STK33: variants seen among roughly 807,000 people sequenced by gnomAD.
STK33 encodes serine/threonine kinase 33, also known as serine/threonine-protein kinase 33.
STK33 carries 52 observed loss-of-function variants against 58.0 expected under a neutral mutation model. That is an observed-to-expected ratio of 0.90 (90% CI 0.72 to 1.13). STK33 has a LOEUF of 1.13. STK33 is among the 50% of genes most tolerant of loss of function. The pLI is 0.00. For missense variants in STK33, 630 were observed against 604.2 expected, an observed-to-expected ratio of 1.04 and a Z score of -0.45; for synonymous variants, 215 against 200.1, an observed-to-expected ratio of 1.07 and a Z score of -0.63.
chr11:8,494,087 G>GTTC (rs777511503), intron 1 of STK33, among the ~76,000 whole-genome samples: 1 of 152,178 alleles, frequency 6.6e-6, no homozygotes, highest in Non-Finnish European at 1.5e-5. Context: ...AGTATTGGAA[G>GTTC]TTCTGGCCAG....
intron 15 of STK33, among the ~76,000 whole-genome samples, chr11:8,407,662 T>C (rs1294061790): frequency 2.6e-5 from 4 of 151,508 alleles, no homozygotes; most frequent in Non-Finnish European, 4.4e-5. Context: ...ATAGAAAGTA[T>C]CCAATGTAAA....
At chr11:8,555,850 T>A (rs1200490505) in intron 1 of STK33, among the ~76,000 whole-genome samples, 1 of 151,938 alleles carries the variant, frequency 6.6e-6, no homozygotes, top group Non-Finnish European at 1.5e-5. Flanking sequence ...TTAAAAATAA[T>A]AAGTTTTTTA....
intron 14 of STK33, among the ~76,000 whole-genome samples, chr11:8,425,393 G>T (rs10840044): frequency 6.6e-6 from 1 of 152,096 alleles, no homozygotes; most frequent in Non-Finnish European, 1.5e-5. Flanking sequence ...CTGTAGCCTT[G>T]TAGTATAGTT....
At chr11:8,547,863 G>A (rs1300524060) in intron 1 of STK33, among the ~76,000 whole-genome samples, 1 of 151,670 alleles carries the variant, frequency 6.6e-6, no homozygotes, top group Non-Finnish European at 1.5e-5. Context: ...TCCTTTGTAG[G>A]GACATAGATG....
intron 1 of STK33, among the ~76,000 whole-genome samples, chr11:8,535,536 A>G (rs1338471951): frequency 1.3e-5 from 2 of 152,214 alleles, no homozygotes; most frequent in East Asian, 1.9e-4. Flanking sequence ...CCACAATGAG[A>G]TATCATCTTA....
intron 1 of STK33, among the ~76,000 whole-genome samples, chr11:8,565,504 C>CAT (rs1330741492): frequency 6.6e-6 from 1 of 151,512 alleles, no homozygotes; most frequent in Non-Finnish European, 1.5e-5. Flanking sequence ...TCAGTTCTGC[C>CAT]ATTTACAAGT....
chr11:8,484,976 G>A (rs1266850705), intron 1 of STK33, among the ~76,000 whole-genome samples: 1 of 152,108 alleles, frequency 6.6e-6, no homozygotes, highest in Non-Finnish European at 1.5e-5. Context: ...GGAGCCAAGG[G>A]ATTTTTCTCT....
intron 11 of STK33, among the ~76,000 whole-genome samples, chr11:8,449,762 T>C (rs927689441): frequency 6.6e-6 from 1 of 152,022 alleles, no homozygotes; most frequent in Non-Finnish European, 1.5e-5. Flanking sequence ...ACATGTACCC[T>C]AAAACTTAAA....
At chr11:8,553,056 T>C (rs1185630743) in intron 1 of STK33, among the ~76,000 whole-genome samples, 2 of 150,034 alleles carry the variant, frequency 1.3e-5, no homozygotes, top group Admixed American at 6.7e-5. Context: ...CTCAGGAAGC[T>C]GAGGCAGGAG....
chr11:8,491,154 T>G (rs1316549636), intron 1 of STK33, among the ~76,000 whole-genome samples: 1 of 152,100 alleles, frequency 6.6e-6, no homozygotes, highest in Non-Finnish European at 1.5e-5. Flanking sequence ...CCAAGCTAAA[T>G]GAGGATGTTT....
intron 1 of STK33, among the ~76,000 whole-genome samples, chr11:8,518,683 G>C (rs183935690): frequency 6.6e-6 from 1 of 152,128 alleles, no homozygotes; most frequent in East Asian, 1.9e-4. Flanking sequence ...CAAAGCAGGG[G>C]TTGCAATCCT....
chr11:8,486,481 T>C (rs532734714), intron 1 of STK33, among the ~76,000 whole-genome samples: 1 of 152,302 alleles, frequency 6.6e-6, no homozygotes, highest in East Asian at 1.9e-4. Flanking sequence ...TTAGACATCA[T>C]CTCCCCTGAA....
At chr11:8,507,375 G>C (rs74850050) in intron 1 of STK33, among the ~76,000 whole-genome samples, 2,550 of 152,270 alleles carry the variant, frequency 0.017, 63 homozygotes, top group African/African-American at 0.057. Flanking sequence ...AGATAACAGA[G>C]CACCTTCTAG....
At chr11:8,553,331 A>G (rs995541218) in intron 1 of STK33, among the ~76,000 whole-genome samples, 1 of 150,270 alleles carries the variant, frequency 6.7e-6, no homozygotes, top group Non-Finnish European at 1.5e-5. Context: ...TGTACTTTAC[A>G]TAAGTATATG....
chr11:8,459,198 A>C (rs1280893348), intron 8 of STK33, among the ~76,000 whole-genome samples: 1 of 152,236 alleles, frequency 6.6e-6, no homozygotes, highest in East Asian at 1.9e-4. Flanking sequence ...ACAACTGTGT[A>C]GACCTGGAGA....
chr11:8,392,323 T>C lies in STK33; in HGVS notation c.*187A>G, dbSNP rs749263. Reference sequence around the variant, plus strand: ...TACTGGTGGCTGTCCTTTAATGCCATGTGCAGCTTATGCTGCTTTGGAGAT... The same window carrying C: ...TACTGGTGGCTGTCCTTTAATGCCACGTGCAGCTTATGCTGCTTTGGAGAT... On this transcript the variant is annotated 3_prime_UTR_variant, in exon 16 of 16. Coordinates refer to ENST00000687296, the MANE Select transcript of STK33 (RefSeq NM_001352389.2). The C allele has an allele frequency of 0.57, 388,397 of 678,482 alleles. 114,274 individuals are homozygous for C. The highest frequency in any genetic ancestry group is 0.76 in the African/African-American group (42,680 of 55,830). The allele number at this position is 678,482 out of a possible 1,614,324, so 42.0% of individuals were successfully genotyped here.
At chr11:8,356,703 G>C in the STK33 span, among the ~76,000 whole-genome samples, 2 of 152,162 alleles carry the variant, frequency 1.3e-5, no homozygotes, top group African/African-American at 2.4e-5. Flanking sequence ...TGCCAATTCC[G>C]GCTGGGGCAT....
At chr11:8,397,457 T>A (rs1376731955) in intron 15 of STK33, among the ~76,000 whole-genome samples, 1 of 152,064 alleles carries the variant, frequency 6.6e-6, no homozygotes, top group Admixed American at 6.5e-5. Context: ...CAAAACCCCA[T>A]CTGTACATCA....
At chr11:8,378,046 G>A in the STK33 span, among the ~76,000 whole-genome samples, 1 of 152,210 alleles carries the variant, frequency 6.6e-6, no homozygotes, top group Middle Eastern at 3.4e-3. Flanking sequence ...GTCCATTCTT[G>A]GGCTACTATG....
Sources: allele counts gnomAD v4.1 joint callset (sites outside exome capture counted in the v4.1 genomes callset), GRCh38; gene constraint gnomAD v4.1.1; transcripts MANE v1.5; gene names NCBI Gene and HGNC (gene_info 2026-07-23, HGNC 2026-07-21).